Variants in PRKG1 observed in about 807,000 individuals in gnomAD.
PRKG1 encodes the protein cGMP-dependent protein kinase 1.
Under a neutral mutation model 88.1 loss-of-function variants are expected in PRKG1, and 35 were observed. The observed-to-expected ratio is 0.40, with a 90% confidence interval of 0.30 to 0.53. The LOEUF (loss-of-function observed/expected upper bound fraction) is 0.53. Ranked by LOEUF, PRKG1 falls within the 20% of genes least tolerant of loss-of-function variation. The pLI is 0.59. For synonymous variants in PRKG1, 303 were observed against 292.5 expected, an observed-to-expected ratio of 1.04 and a Z score of -0.37; for missense variants, 540 against 839.8, an observed-to-expected ratio of 0.64 and a Z score of 4.41.
At chr10:51,569,793 C>T (rs11814952) in intron 3 of PRKG1, among the ~76,000 whole-genome samples, 21,377 of 151,684 alleles carry the variant, frequency 0.14, 1,622 homozygotes, top group African/African-American at 0.19. Flanking sequence ...TTATTTAAAA[C>T]GTATGCCTCC....
intron 2 of PRKG1, among the ~76,000 whole-genome samples, chr10:51,272,072 A>G (rs74533062): frequency 0.063 from 9,639 of 152,214 alleles, 1,004 homozygotes; most frequent in African/African-American, 0.22. Context: ...CATCTTCTCC[A>G]GTATCTGTTG....
chr10:52,193,888 A>C (rs1839439765), intron 9 of PRKG1, among the ~76,000 whole-genome samples: 1 of 152,188 alleles, frequency 6.6e-6, no homozygotes, highest in African/African-American at 2.4e-5. Flanking sequence ...GTAAACAATA[A>C]TTTGGACGAA....
At chr10:51,623,344 G>A (rs1220008195) in intron 3 of PRKG1, among the ~76,000 whole-genome samples, 2 of 152,134 alleles carry the variant, frequency 1.3e-5, no homozygotes, top group Non-Finnish European at 2.9e-5. Context: ...GGGACCACAG[G>A]CATGTGCCGC....
chr10:52,149,229 A>G (rs896752348), intron 8 of PRKG1, among the ~76,000 whole-genome samples: 2 of 151,934 alleles, frequency 1.3e-5, no homozygotes, highest in African/African-American at 4.8e-5. Context: ...AAATCTATTT[A>G]ATAAGATTTT....
At chr10:51,778,772 A>G (rs67071090) in intron 3 of PRKG1, among the ~76,000 whole-genome samples, 26,227 of 151,976 alleles carry the variant, frequency 0.17, 3,500 homozygotes, top group African/African-American at 0.37. Flanking sequence ...CTTCTGAGAG[A>G]TGTCAGGACA....
intron 9 of PRKG1, among the ~76,000 whole-genome samples, chr10:52,241,166 T>C (rs773721620): frequency 3.9e-5 from 6 of 152,170 alleles, no homozygotes; most frequent in Non-Finnish European, 7.3e-5. Flanking sequence ...CCTGCCTGCC[T>C]GTTTTGCGTA....
intron 2 of PRKG1, among the ~76,000 whole-genome samples, chr10:51,270,252 G>A (rs953988034): frequency 1.3e-5 from 2 of 152,032 alleles, no homozygotes; most frequent in Non-Finnish European, 2.9e-5. Context: ...AAATATTTAG[G>A]GTGGCTAAAA....
chr10:51,833,894 A>T (rs2132759095), intron 4 of PRKG1, among the ~76,000 whole-genome samples: 1 of 151,704 alleles, frequency 6.6e-6, no homozygotes, highest in African/African-American at 2.4e-5. Flanking sequence ...ACACCATTCT[A>T]CTCTATGCTT....
chr10:51,152,976 C>CTTTTTT (rs1283273580), intron 1 of PRKG1, among the ~76,000 whole-genome samples, 188 bp from the exon 2 acceptor site: 16 of 112,662 alleles, frequency 1.4e-4, no homozygotes, highest in African/African-American at 2.8e-4. Flanking sequence ...TTCTTAGTGC[C>CTTTTTT]TTTTTTTTTT....
intron 9 of PRKG1, among the ~76,000 whole-genome samples, chr10:52,204,096 TATTA>T (rs758864267): frequency 0.3 from 32,789 of 109,430 alleles, 4,278 homozygotes; most frequent in Admixed American, 0.44. Flanking sequence ...TTATTATTAT[TATTA>T]TTATTATTTT....
chr10:51,791,083 C>T (rs2132583046), intron 3 of PRKG1, among the ~76,000 whole-genome samples: 1 of 152,242 alleles, frequency 6.6e-6, no homozygotes, highest in Non-Finnish European at 1.5e-5. Flanking sequence ...AGAAGGAAAT[C>T]ACTCTTAATC....
At chr10:51,552,618 C>T (rs1032938455) in intron 3 of PRKG1, among the ~76,000 whole-genome samples, 42 of 151,522 alleles carry the variant, frequency 2.8e-4, no homozygotes, top group African/African-American at 9.9e-4. Context: ...TCAACTCTCC[C>T]CCATTTAATG....
At chr10:51,611,337 T>A (rs1838901608) in intron 3 of PRKG1, among the ~76,000 whole-genome samples, 1 of 151,656 alleles carries the variant, frequency 6.6e-6, no homozygotes, top group Non-Finnish European at 1.5e-5. Context: ...TGAGATGATA[T>A]CTCATTGTGG....
chr10:51,120,857 G>T (rs532823397), intron 1 of PRKG1, among the ~76,000 whole-genome samples: 1 of 152,024 alleles, frequency 6.6e-6, no homozygotes, highest in African/African-American at 2.4e-5. Context: ...TTACAGCAAC[G>T]GTAGGAATAA....
chr10:51,363,909 A>C (rs888468108), intron 2 of PRKG1, among the ~76,000 whole-genome samples: 1 of 152,012 alleles, frequency 6.6e-6, no homozygotes, highest in African/African-American at 2.4e-5. Context: ...CATACTAAAT[A>C]ATAATCAAAA....
intron 4 of PRKG1, among the ~76,000 whole-genome samples, chr10:51,871,198 A>G (rs563749273): frequency 6.6e-6 from 1 of 152,342 alleles, no homozygotes; most frequent in East Asian, 1.9e-4. Flanking sequence ...CATTTCATGT[A>G]AATATCCATT....
chr10:52,124,375 G>T (rs1847885393), intron 7 of PRKG1, among the ~76,000 whole-genome samples: 1 of 152,184 alleles, frequency 6.6e-6, no homozygotes, highest in Non-Finnish European at 1.5e-5. Context: ...GCAGGCAGTT[G>T]TAACAGTAGT....
intron 1 of PRKG1, among the ~76,000 whole-genome samples, chr10:50,995,075 ACT>A (rs201350704): frequency 0.019 from 2,961 of 152,174 alleles, 48 homozygotes; most frequent in Middle Eastern, 0.071. Flanking sequence ...CTGAAGGATG[ACT>A]CTGTAGGAAT....
At chr10:51,435,769 A>G (rs1362482146) in intron 2 of PRKG1, among the ~76,000 whole-genome samples, 1 of 151,972 alleles carries the variant, frequency 6.6e-6, no homozygotes, top group African/African-American at 2.4e-5. Context: ...GCACATCAAC[A>G]GGTAATTTCA....
Sources: allele counts gnomAD v4.1 joint callset (sites outside exome capture counted in the v4.1 genomes callset), GRCh38; gene constraint gnomAD v4.1.1; transcripts MANE v1.5; gene names NCBI Gene and HGNC (gene_info 2026-07-23, HGNC 2026-07-21).